Variants in NAPRT observed in about 807,000 individuals in gnomAD.
NAPRT encodes the protein nicotinate phosphoribosyltransferase.
Under a neutral mutation model 60.7 loss-of-function variants are expected in NAPRT, and 66 were observed. That is an observed-to-expected ratio of 1.09 (90% confidence interval 0.89 to 1.33). NAPRT has a LOEUF of 1.33. Among genes scored for constraint, NAPRT ranks in the 40% most tolerant of loss-of-function variants. NAPRT has a pLI of 0.00. For synonymous variants in NAPRT, 405 were observed against 335.7 expected, an observed-to-expected ratio of 1.21 and a Z score of -2.26; for missense variants, 818 against 731.5, an observed-to-expected ratio of 1.12 and a Z score of -1.36.
At chr8:143,577,781 C>A (rs756552992) in intron 2 of NAPRT, 35 bp downstream of exon 2, 14 of 1,576,290 alleles carry the variant, frequency 8.9e-6, no homozygotes, top group African/African-American at 2.7e-5. Context: ...CCCAGCACCC[C>A]GTGGCCGCCG....
intron 7 of NAPRT, 98 bp downstream of exon 7, chr8:143,576,334 C>A (rs542655000): frequency 4.0e-6 from 6 of 1,490,428 alleles, no homozygotes; most frequent in Middle Eastern, 3.6e-4. Context: ...TGCAGTATCA[C>A]CGCTGAAACT....
chr8:143,575,549 G>A, intron 9 of NAPRT, 24 bp from the exon 10 acceptor site: 1 of 1,595,776 alleles, frequency 6.3e-7, no homozygotes, highest in Non-Finnish European at 8.6e-7. Context: ...GCGTTGAGCT[G>A]GCTGGTCCTT....
At position 143,577,274 on chromosome 8, in the gene NAPRT, A is replaced by C. The variant is rs1437083886; in HGVS notation, c.563T>G (p.Leu188Arg). The C allele has an allele frequency of 6.2e-7, 1 of 1,608,884 alleles. No homozygotes were observed. The highest frequency in any genetic ancestry group is 8.5e-7 in the Non-Finnish European group (1 of 1,177,976). Reference protein sequence around the residue: ...GGLTASTYSYLGGFDSSSNVL... With the variant: ...GGLTASTYSYRGGFDSSSNVL... Reference sequence around the variant, plus strand: ...GCCCCGCACCAGACACTCACCGCCCAGGTAGCTGTAGGTGGAGGCTGTCAG... The same window carrying C: ...GCCCCGCACCAGACACTCACCGCCCCGGTAGCTGTAGGTGGAGGCTGTCAG... The change falls in exon 4 of 13, where the codon CTG becomes CGG. Residue 188 changes from leucine (L) to arginine (R), a missense_variant. Leu to Arg is a moderately radical substitution (Grantham distance 102, BLOSUM62 -2). Coordinates refer to ENST00000449291, the MANE Select transcript of NAPRT (RefSeq NM_145201.6).
At chr8:143,577,451 C>T (rs1000384538) in intron 3 of NAPRT, 52 bp from the exon 4 acceptor site, 1 of 1,560,214 alleles carries the variant, frequency 6.4e-7, no homozygotes, top group Non-Finnish European at 8.7e-7. Context: ...ACTAGGCCAC[C>T]CAAGACGGCG....
intron 12 of NAPRT, 26 bp from the exon 13 acceptor site, chr8:143,574,926 G>A (rs1026392692): frequency 1.3e-6 from 2 of 1,550,460 alleles, no homozygotes; most frequent in East Asian, 4.9e-5. Context: ...GACAGGAGCG[G>A]TGGGCAGGGT....
Position 143,578,293 on chromosome 8 carries a change from GCCTCGGGGT to G in NAPRT, c.17_25del (p.Asp6_Glu8del), listed in dbSNP as rs1563937432. ...GAGCAGCGGCCGCGCCGCCGCGCGC[GCCTCGGGGT>G]CCTGCTCCGCCGCCATCCTGCTCCC... On this transcript the variant is annotated inframe_deletion, in exon 1 of 13. Coordinates refer to ENST00000449291, the MANE Select transcript of NAPRT (RefSeq NM_145201.6). 7.1e-7 allele frequency: 1 copy of G among 1,402,174 alleles called. No homozygotes were observed. Among genetic ancestry groups the G allele is most frequent in the Admixed American group, 3.6e-5 (1 of 27,622 alleles). 86.9% of individuals were successfully genotyped at this position (1,402,174 alleles called of 1,614,324 possible).
chr8:143,577,264 C>A lies in NAPRT; in HGVS notation c.568+5G>T. On this transcript the variant is annotated splice_donor_5th_base_variant and intron_variant, in intron 4 of 12. Transcript: ENST00000449291. Reference sequence around the variant, plus strand: ...CCCTTGCCTTGCCCCGCACCAGACACTCACCGCCCAGGTAGCTGTAGGTGG... The same window carrying A: ...CCCTTGCCTTGCCCCGCACCAGACAATCACCGCCCAGGTAGCTGTAGGTGG... 6.2e-7 allele frequency: 1 copy of A among 1,609,008 alleles called. No homozygotes were observed. The highest frequency in any genetic ancestry group is 8.5e-7 in the Non-Finnish European group (1 of 1,177,746).
At chr8:143,575,601 G>T in intron 9 of NAPRT, 21 bp downstream of exon 9, 1 of 1,586,154 alleles carries the variant, frequency 6.3e-7, no homozygotes. Flanking sequence ...CCCCCACCTG[G>T]GCCCCCGACA....
chr8:143,575,457 C>A lies in NAPRT; in HGVS notation c.1257G>T (p.Gly419=). ...TEDPEKQTLP[G]SKAAFRLLGS... Reference sequence around the variant, plus strand: ...CCAGGAGCCGGAAAGCAGCCTTGCTCCCAGGCAACGTCTGCTTCTCGGGGT... The same window carrying A: ...CCAGGAGCCGGAAAGCAGCCTTGCTACCAGGCAACGTCTGCTTCTCGGGGT... The change falls in exon 10 of 13, where the codon GGG becomes GGT. Residue 419 remains glycine (G), a synonymous_variant. Coordinates refer to ENST00000449291, the MANE Select transcript of NAPRT (RefSeq NM_145201.6). 2 of 1,595,320 alleles carry A rather than the reference C, an allele frequency of 1.3e-6. No homozygotes were observed. The highest frequency in any genetic ancestry group is 4.5e-5 in the East Asian group (2 of 44,288).
intron 5 of NAPRT, 39 bp downstream of exon 5, chr8:143,577,023 T>C (rs1019467151): frequency 6.3e-7 from 1 of 1,592,472 alleles, no homozygotes; most frequent in Non-Finnish European, 8.6e-7. Flanking sequence ...GCTTGGGGCC[T>C]GTCGCCTGGA....
Position 143,578,143 on chromosome 8 carries a change from C to A in NAPRT, c.176G>T (p.Gly59Val). Residue 59 changes from glycine to valine, a missense_variant, in exon 1 of 13, where the codon GGC becomes GTC. Coordinates refer to ENST00000449291, the MANE Select transcript of NAPRT (RefSeq NM_145201.6). ...PFGGAFALAA[G>V]LRDCVRFLRA... is the part of the protein sequence containing the mutation. ...CAGGAAGCGCACACAGTCGCGCAAG[C>A]CGGCGGCCAAGGCGAAGGCGCCGCC... 2.0e-6 allele frequency: 3 copies of A among 1,523,668 alleles called. No homozygotes were observed. Among genetic ancestry groups the A allele is most frequent in the South Asian group, 1.2e-5 (1 of 83,228 alleles). The allele number at this position is 1,523,668 out of a possible 1,614,324, so 94.4% of individuals were successfully genotyped here. A position where few individuals can be genotyped will look rare whatever the true frequency, so the allele number is the denominator to read the frequency against.
rs895493279 is a variant in NAPRT at position 143,577,418 on chromosome 8, C to A, written c.438-19G>T. 23 of 1,594,966 alleles carry A rather than the reference C, an allele frequency of 1.4e-5. No homozygotes were observed. The highest frequency in any genetic ancestry group is 9.4e-6 in the Non-Finnish European group (11 of 1,170,446). ...CACCAGGCTGTGGGGAGCCAAGAGT[C>A]AGGGGGTCCCAGGGTGAGGATCACT... On this transcript the variant is annotated intron_variant, in intron 3 of 12. Coordinates refer to ENST00000449291, the MANE Select transcript of NAPRT (RefSeq NM_145201.6).
chr8:143,578,252 C>T lies in NAPRT; in HGVS notation c.67G>A (p.Ala23Thr), dbSNP rs770346588. The change falls in exon 1 of 13, where the codon GCC (alanine) becomes ACC (threonine). Residue 23 changes from alanine (A) to threonine (T), a missense_variant. Ala to Thr is a moderately conservative substitution (Grantham distance 58, BLOSUM62 0). Transcript: ENST00000449291. Reference protein sequence around the residue: ...ARPLLTDLYQATMALGYWRAG... With the variant: ...ARPLLTDLYQTTMALGYWRAG... ...CGCCAATAGCCCAACGCCATGGTGG[C>T]CTGGTAGAGGTCAGTGAGCAGCGGC... is the stretch of plus-strand genomic sequence containing the variant. 574 of 1,490,790 alleles carry T rather than the reference C, an allele frequency of 3.9e-4. No homozygotes were observed. The highest frequency in any genetic ancestry group is 4.8e-4 in the Non-Finnish European group (535 of 1,125,994). The allele number at this position is 1,490,790 out of a possible 1,614,324, so 92.3% of individuals were successfully genotyped here.
At chr8:143,575,799 T>TG (rs373234505) in intron 8 of NAPRT, 97 bp from the exon 9 acceptor site, 4 of 256,274 alleles carry the variant, frequency 1.6e-5, no homozygotes, top group African/African-American at 2.1e-4. Flanking sequence ...CTGCCCTGGG[T>TG]GGGGAAGGGG....
intron 3 of NAPRT, 73 bp from the exon 4 acceptor site, chr8:143,577,472 G>A: frequency 2.6e-6 from 4 of 1,519,740 alleles, no homozygotes; most frequent in East Asian, 4.8e-5. Context: ...GTTACCTGGG[G>A]CCTGGAACTT....
downstream of NAPRT, chr8:143,574,046 G>C (rs1330259899): frequency 6.5e-6 from 1 of 152,798 alleles, no homozygotes; most frequent in Non-Finnish European, 1.5e-5. Context: ...TTCCTGCCAA[G>C]CCTAGAACCT....
chr8:143,574,560 T>C (rs1587040513), downstream of NAPRT: 8 of 587,788 alleles, frequency 1.4e-5, no homozygotes, highest in East Asian at 2.0e-4. Context: ...GTAGTTCTAG[T>C]GTGGGATCTG....
Position 143,577,717 on chromosome 8 carries a change from C to A in NAPRT, c.377G>T (p.Gly126Val). 6.5e-7 allele frequency: 1 copy of A among 1,546,980 alleles called. No individual in the cohort carries two copies. The highest frequency in any genetic ancestry group is 8.7e-7 in the Non-Finnish European group (1 of 1,149,014). The change falls in exon 3 of 13, where the codon GGG becomes GTG. Residue 126 changes from glycine (G) to valine (V), a missense_variant. By Grantham distance (109) the Gly-to-Val change is moderately radical (BLOSUM62 -3). Transcript: ENST00000449291. Reference sequence around the variant, plus strand: ...CAGCAGCTGCACCACCAGGAGCGGCCCGGACACCTGCAGGAGCGGCACCTG... The same window carrying A: ...CAGCAGCTGCACCACCAGGAGCGGCACGGACACCTGCAGGAGCGGCACCTG... The part of the protein sequence containing the change: ...FPGVPLLQVS[G>V]PLLVVQLLET...
chr8:143,577,990 T>C, intron 1 of NAPRT, 47 bp from the exon 2 acceptor site: 1 of 1,572,788 alleles, frequency 6.4e-7, no homozygotes, highest in Non-Finnish European at 8.6e-7. Flanking sequence ...GACAGACCGG[T>C]CGTGGGACAT....
Sources: gnomAD v4.1 joint callset for allele counts on GRCh38, gnomAD v4.1.1 for gene constraint, MANE v1.5 for transcripts, NCBI Gene and HGNC (gene_info 2026-07-23, HGNC 2026-07-21) for gene names.